DPYSL2: variants seen among roughly 807,000 people sequenced by gnomAD.
The protein encoded by DPYSL2 is dihydropyrimidinase like 2.
In DPYSL2, 13 loss-of-function variants were observed where a neutral mutation model predicts 69.9. The observed-to-expected ratio is 0.19, with a 90% CI of 0.12 to 0.30. The LOEUF is 0.30. Among genes scored for constraint, DPYSL2 ranks in the 10% least tolerant of loss-of-function variants. The pLI, the probability that DPYSL2 is intolerant of heterozygous loss-of-function variation, is 1.00. For synonymous variants in DPYSL2, 326 were observed against 359.1 expected (o/e 0.91, Z 1.04); for missense variants, 587 against 918.9 (o/e 0.64, Z 4.67).
chr8:26,575,846 T>C (rs1378236794), intron 1 of DPYSL2, among the ~76,000 whole-genome samples: 1 of 152,218 alleles, frequency 6.6e-6, no homozygotes, highest in African/African-American at 2.4e-5. Context: ...TTTACTCCCT[T>C]GCCAAGTAGT....
chr8:26,633,554 G>C (rs1052197837), intron 7 of DPYSL2, among the ~76,000 whole-genome samples: 1 of 152,150 alleles, frequency 6.6e-6, no homozygotes, highest in Admixed American at 6.5e-5. Flanking sequence ...TGCAACCTCC[G>C]CCTCCTGGGT....
intron 1 of DPYSL2, among the ~76,000 whole-genome samples, chr8:26,534,204 T>C (rs1800556589): frequency 6.6e-6 from 1 of 152,192 alleles, no homozygotes; most frequent in Non-Finnish European, 1.5e-5. Flanking sequence ...TTTTTGAGAC[T>C]GAGTCTTGTT....
chr8:26,626,550 T>C lies in DPYSL2; in HGVS notation c.794-67T>C, dbSNP rs1332125225. On this transcript the variant is annotated intron_variant, in intron 4 of 13. Transcript: ENST00000521913. This position sits in a 1 kb window ranked among gnomAD's most constrained non-coding sequence, Gnocchi z 4.3. ...ACACACACAGACAGTATTATCACTT[T>C]CTTATCCCTTATTTGGTTATTTGGT... The C allele has an allele frequency of 6.9e-7, 1 of 1,451,104 alleles. No individual in the cohort carries two copies. The highest frequency in any genetic ancestry group is 9.7e-7 in the Non-Finnish European group (1 of 1,035,272). The allele number at this position is 1,451,104 out of a possible 1,614,324, so 89.9% of individuals were successfully genotyped here.
chr8:26,638,680 C>T (rs1442336), intron 8 of DPYSL2, among the ~76,000 whole-genome samples: 4 of 152,034 alleles, frequency 2.6e-5, no homozygotes, highest in South Asian at 4.2e-4. Context: ...CAGGACCAGA[C>T]GACCTGGGGG....
chr8:26,518,140 C>G (rs1453797430), intron 1 of DPYSL2, among the ~76,000 whole-genome samples: 6 of 152,170 alleles, frequency 3.9e-5, no homozygotes, highest in Admixed American at 3.9e-4. Flanking sequence ...AAGTTGTCCC[C>G]AGAGATCCGT....
At chr8:26,579,912 C>A (rs1038638289) in intron 1 of DPYSL2, among the ~76,000 whole-genome samples, 52 of 130,176 alleles carry the variant, frequency 4.0e-4, no homozygotes, top group African/African-American at 1.4e-3. Context: ...TAAAAGCAAA[C>A]GATCAACAAG....
rs1039909741 is a variant in DPYSL2, at chr8:26,652,262, C to T, written c.1602C>T (p.Leu534=). ...TTACTTTGCCTTCTTCTCAGTCTCT[C>T]GAGTACAACATCTTTGAAGGCATGG... The part of the protein sequence containing the change: ...TISAKTHNSS[L]EYNIFEGMEC... Residue 534 remains leucine (L), a synonymous_variant, in exon 12 of 14, where the codon CTC becomes CTT. Coordinates refer to ENST00000521913, the MANE Select transcript of DPYSL2 (RefSeq NM_001197293.3). The surrounding 1 kb of genome is among the most constrained non-coding windows in gnomAD (Gnocchi z 6.3). 5.0e-6 allele frequency: 8 copies of T among 1,612,794 alleles called. No individual in the cohort carries two copies. Among genetic ancestry groups the T allele is most frequent in the South Asian group, 2.2e-5 (2 of 90,934 alleles).
At chr8:26,563,725 C>T (rs369123237) in intron 1 of DPYSL2, among the ~76,000 whole-genome samples, 5 of 152,168 alleles carry the variant, frequency 3.3e-5, no homozygotes, top group Admixed American at 6.5e-5. Flanking sequence ...TGTTTCTTTC[C>T]CCATTAATTA....
intron 1 of DPYSL2, among the ~76,000 whole-genome samples, chr8:26,524,308 A>G (rs1011894220): frequency 2.6e-5 from 4 of 152,198 alleles, no homozygotes; most frequent in African/African-American, 7.2e-5. Context: ...CCTTTGCTGA[A>G]CAGACATTCT....
chr8:26,539,634 G>T (rs1251799476), intron 1 of DPYSL2, among the ~76,000 whole-genome samples: 3 of 152,082 alleles, frequency 2.0e-5, no homozygotes, highest in African/African-American at 7.2e-5. Flanking sequence ...CTGCCTCCTG[G>T]GTTCAAGTGA....
rs1235076052 is a variant in DPYSL2, at chr8:26,644,755, G to A, written c.1425+664G>A. 2.0e-5 allele frequency among the ~76,000 whole-genome samples: 3 copies of A among 152,100 alleles called. No individual in the cohort carries two copies. The highest frequency in any genetic ancestry group is 7.2e-5 in the African/African-American group (3 of 41,406). On this transcript the variant is annotated intron_variant, in intron 10 of 13. Coordinates refer to ENST00000521913, the MANE Select transcript of DPYSL2 (RefSeq NM_001197293.3). The surrounding 1 kb of genome is among the most constrained non-coding windows in gnomAD (Gnocchi z 4.5). ...AATCCTCGTCTACTCTTGGAAATGG[G>A]CTCAATTTCCTTAAAAGTGTCTTTT...
intron 1 of DPYSL2, among the ~76,000 whole-genome samples, chr8:26,528,638 T>G (rs1585490421): frequency 6.8e-6 from 1 of 147,244 alleles, no homozygotes; most frequent in East Asian, 2.0e-4. Context: ...TAAGGGAGAC[T>G]CTGTCTAAAA....
intron 1 of DPYSL2, among the ~76,000 whole-genome samples, chr8:26,549,052 G>A (rs1800829462): frequency 6.6e-6 from 1 of 151,946 alleles, no homozygotes. Flanking sequence ...AGCTAGGGAT[G>A]GTGGCAGGTG....
Position 26,561,277 on chromosome 8 carries a change from C to G in DPYSL2, c.355-20692C>G, listed in dbSNP as rs192755963. 9.5e-4 allele frequency among the ~76,000 whole-genome samples: 144 copies of G among 152,300 alleles called. 1 individual carries two copies. Among genetic ancestry groups the G allele is most frequent in the Non-Finnish European group, 1.3e-3 (87 of 68,028 alleles). On this transcript the variant is annotated intron_variant, in intron 1 of 13. Transcript: ENST00000521913. ...CTCTCTCTGGCCACTCCTGAGTCTT[C>G]TTTGCAGACCACCCTTTCTTTAGTT... is the stretch of plus-strand genomic sequence containing the variant.
chr8:26,650,663 T>C lies in DPYSL2; in HGVS notation c.1597-1594T>C, dbSNP rs1803263071. ...AACATGCCCAAGACGAGGAGTCTCA[T>C]AGGAGACTGGGCCACCAAGGGCCAG... On this transcript the variant is annotated intron_variant, in intron 11 of 13. Coordinates refer to ENST00000521913, the MANE Select transcript of DPYSL2 (RefSeq NM_001197293.3). This position sits in a 1 kb window ranked among gnomAD's most constrained non-coding sequence, Gnocchi z 5.3. Among the ~76,000 whole-genome samples the C allele has an allele frequency of 6.6e-6, 1 of 152,202 alleles. No individual in the cohort carries two copies. The highest frequency in any genetic ancestry group is 2.4e-5 in the African/African-American group (1 of 41,458).
chr8:26,581,849 A>T, intron 1 of DPYSL2, 120 bp from the exon 2 acceptor site: 2 of 775,078 alleles, frequency 2.6e-6, no homozygotes, highest in Non-Finnish European at 4.3e-6. Context: ...ACCTTTCCAA[A>T]ATGGGCTTAT....
chr8:26,586,899 C>T lies in DPYSL2; in HGVS notation c.628+2916C>T, dbSNP rs900457805. 6.6e-6 allele frequency among the ~76,000 whole-genome samples: 1 copy of T among 152,192 alleles called. No individual in the cohort carries two copies. Among genetic ancestry groups the T allele is most frequent in the Non-Finnish European group, 1.5e-5 (1 of 68,036 alleles). On this transcript the variant is annotated intron_variant, in intron 3 of 13. Coordinates refer to ENST00000521913, the MANE Select transcript of DPYSL2 (RefSeq NM_001197293.3). This position sits in a 1 kb window ranked among gnomAD's most constrained non-coding sequence, Gnocchi z 4.7. ...GCGAACCTCAAGGAATAAAAGTCAT[C>T]AGAGGGGGCAGTGTATGGTTAGCAT...
At chr8:26,611,114 G>A (rs327214) in intron 3 of DPYSL2, among the ~76,000 whole-genome samples, 33,043 of 152,116 alleles carry the variant, frequency 0.22, 3,673 homozygotes, top group African/African-American at 0.26. Flanking sequence ...CAGGGTCCTA[G>A]AACTAGTCAG....
chr8:26,588,420 T>G lies in DPYSL2; in HGVS notation c.628+4437T>G, dbSNP rs760609825. ...TATTCGAATCTGGTGCTTGGGGAGC[T>G]TTTTGAAAGCATGACTTTCAGGGGT... On this transcript the variant is annotated intron_variant, in intron 3 of 13. Transcript: ENST00000521913. The surrounding 1 kb of genome is among the most constrained non-coding windows in gnomAD (Gnocchi z 5.4). Among the ~76,000 whole-genome samples the G allele has an allele frequency of 3.3e-5, 5 of 152,130 alleles. No homozygotes were observed. The highest frequency in any genetic ancestry group is 7.4e-5 in the Non-Finnish European group (5 of 68,012).
Sources: gnomAD v4.1 joint callset for allele counts (sites outside exome capture counted in the v4.1 genomes callset) on GRCh38, gnomAD v4.1.1 for gene constraint, Gnocchi (gnomAD v3.1) non-coding constraint, MANE v1.5 for transcripts, NCBI Gene and HGNC (gene_info 2026-07-23, HGNC 2026-07-21) for gene names.